Variants in ARID1B observed in about 807,000 individuals in gnomAD.
ARID1B encodes AT-rich interaction domain 1B, also known as AT-rich interactive domain-containing protein 1B.
Under a neutral mutation model 212.3 loss-of-function variants are expected in ARID1B, and 30 were observed. That is an observed-to-expected ratio of 0.14 (90% CI 0.11 to 0.19). The LOEUF (loss-of-function observed/expected upper bound fraction) is 0.19. Ranked by LOEUF, ARID1B falls within the 10% of genes least tolerant of loss-of-function variation. ARID1B has a pLI of 1.00. For synonymous variants in ARID1B, 1,402 were observed against 1,301.7 expected (o/e 1.08, Z -1.66); for missense variants, 2,891 against 3,204.0 (o/e 0.90, Z 2.36).
intron 4 of ARID1B, among the ~76,000 whole-genome samples, chr6:157,013,424 C>G (rs1238849356): frequency 1.3e-5 from 2 of 152,172 alleles, no homozygotes; most frequent in Non-Finnish European, 2.9e-5. Flanking sequence ...TTCTGTGTTG[C>G]AACTGCTGTG....
intron 7 of ARID1B, among the ~76,000 whole-genome samples, chr6:157,145,000 C>T (rs574261633): frequency 2.3e-4 from 35 of 152,298 alleles, no homozygotes; most frequent in South Asian, 1.2e-3. Flanking sequence ...AAGCTAATGG[C>T]GTGTGGCCCA....
At chr6:157,021,946 A>G (rs1452525157) in intron 4 of ARID1B, among the ~76,000 whole-genome samples, 1 of 152,148 alleles carries the variant, frequency 6.6e-6, no homozygotes, top group Non-Finnish European at 1.5e-5. Context: ...CCAGCGCTTA[A>G]GGTTTTATTT....
chr6:156,850,589 G>A (rs967098481), intron 2 of ARID1B, among the ~76,000 whole-genome samples: 10 of 152,146 alleles, frequency 6.6e-5, no homozygotes, highest in African/African-American at 9.7e-5. Flanking sequence ...GTGGCTCTTC[G>A]TTGTAATTAG....
chr6:156,980,787 A>T (rs1045753740), intron 4 of ARID1B, among the ~76,000 whole-genome samples: 1 of 152,206 alleles, frequency 6.6e-6, no homozygotes, highest in Non-Finnish European at 1.5e-5. Flanking sequence ...GCAGCTTTCA[A>T]TGTACCCAGG....
chr6:157,085,517 GTTAT>G lies in ARID1B; in HGVS notation c.2491+619_2491+622del, dbSNP rs147159929. On this transcript the variant is annotated intron_variant, in intron 5 of 19. Transcript: ENST00000636930. ...CTTCTCCCTTTATTATGTTCTCGAG[GTTAT>G]TTATTTGGTTATTTATTTGTCAGTT... Among the ~76,000 whole-genome samples, 926 of 152,118 alleles carry G rather than the reference GTTAT, an allele frequency of 6.1e-3. 11 individuals are homozygous for G. The highest frequency in any genetic ancestry group is 0.021 in the African/African-American group (858 of 41,500).
chr6:156,844,871 GCCCATTA>G (rs1330330561), intron 2 of ARID1B, among the ~76,000 whole-genome samples: 1 of 152,138 alleles, frequency 6.6e-6, no homozygotes, highest in Non-Finnish European at 1.5e-5. Flanking sequence ...GTTGATAACT[GCCCATTA>G]TTTTACGTTT....
At chr6:156,813,135 C>T (rs1428411240) in intron 1 of ARID1B, among the ~76,000 whole-genome samples, 4 of 147,288 alleles carry the variant, frequency 2.7e-5, no homozygotes, top group East Asian at 2.0e-4. Flanking sequence ...GACGGAGTCT[C>T]GCACTGTTGC....
intron 7 of ARID1B, among the ~76,000 whole-genome samples, chr6:157,138,986 C>T (rs1006343927): frequency 2.6e-5 from 4 of 152,082 alleles, no homozygotes; most frequent in East Asian, 1.9e-4. Context: ...AGTTATAAGA[C>T]GTAAGCGTGA....
intron 2 of ARID1B, among the ~76,000 whole-genome samples, chr6:156,837,805 G>A (rs945446730): frequency 4.6e-5 from 7 of 152,168 alleles, no homozygotes; most frequent in Non-Finnish European, 7.4e-5. Context: ...GCTCTCCTCC[G>A]CAGAGCCAGA....
At chr6:156,872,557 G>A (rs1476604296) in intron 2 of ARID1B, among the ~76,000 whole-genome samples, 1 of 152,146 alleles carries the variant, frequency 6.6e-6, no homozygotes, top group Non-Finnish European at 1.5e-5. Flanking sequence ...CTGACCTCAG[G>A]TGATCCGCGC....
At chr6:156,987,445 C>T (rs767415033) in intron 4 of ARID1B, among the ~76,000 whole-genome samples, 6 of 151,980 alleles carry the variant, frequency 3.9e-5, no homozygotes, top group Admixed American at 6.6e-5. Context: ...ATTCTCCTGG[C>T]TCAGCCTCCC....
At chr6:156,897,215 G>GCTTCTTCTTCTTCTTCTTCTT (rs1297724982) in intron 2 of ARID1B, among the ~76,000 whole-genome samples, 14 of 76,172 alleles carry the variant, frequency 1.8e-4, no homozygotes, top group East Asian at 7.6e-4. Flanking sequence ...TGCTGCTGCT[G>GCTTCTTCTTCTTCTTCTTCTT]CTGCTTCTTC....
intron 1 of ARID1B, among the ~76,000 whole-genome samples, chr6:156,813,334 G>C (rs1200221776): frequency 6.7e-6 from 1 of 149,922 alleles, no homozygotes; most frequent in South Asian, 2.1e-4. Flanking sequence ...GGCTGGTCTC[G>C]AACTCCTGAG....
At chr6:156,882,715 T>A (rs566981060) in intron 2 of ARID1B, among the ~76,000 whole-genome samples, 3 of 152,222 alleles carry the variant, frequency 2.0e-5, no homozygotes, top group Non-Finnish European at 4.4e-5. Context: ...GTAAATGAGA[T>A]CGTCTGTGTG....
intron 3 of ARID1B, among the ~76,000 whole-genome samples, chr6:156,920,309 G>T (rs1790681350): frequency 6.6e-6 from 1 of 152,166 alleles, no homozygotes; most frequent in Non-Finnish European, 1.5e-5. Context: ...TATCATCGAG[G>T]CTCATTATAT....
intron 2 of ARID1B, among the ~76,000 whole-genome samples, chr6:156,856,685 C>CTG (rs1200591805): frequency 5.5e-4 from 43 of 78,636 alleles, no homozygotes; most frequent in Non-Finnish European, 8.2e-4. Flanking sequence ...CTCTCTCTCT[C>CTG]TCTCTCTCTC....
chr6:157,009,439 C>G (rs2128449728), intron 4 of ARID1B, among the ~76,000 whole-genome samples: 1 of 152,258 alleles, frequency 6.6e-6, no homozygotes, highest in Non-Finnish European at 1.5e-5. Flanking sequence ...TGGCCCTAAA[C>G]TAGGTGATAG....
intron 13 of ARID1B, chr6:157,185,667 C>A (rs1204169611): frequency 6.6e-6 from 1 of 152,140 alleles, no homozygotes; most frequent in Admixed American, 6.5e-5. Context: ...TTGAAAATAC[C>A]TTTGTAATAT....
At chr6:156,852,126 C>A (rs952258069) in intron 2 of ARID1B, among the ~76,000 whole-genome samples, 2 of 151,894 alleles carry the variant, frequency 1.3e-5, no homozygotes, top group African/African-American at 4.8e-5. Context: ...TAGTTTGTTT[C>A]TGTGTTTAAG....
Sources: gnomAD v4.1 joint callset for allele counts (sites outside exome capture counted in the v4.1 genomes callset) on GRCh38, gnomAD v4.1.1 for gene constraint, MANE v1.5 for transcripts, NCBI Gene and HGNC (gene_info 2026-07-23, HGNC 2026-07-21) for gene names.